Variants in ARSJ observed in about 807,000 individuals in gnomAD.
The protein encoded by ARSJ is arylsulfatase J.
Under a neutral mutation model 35.9 loss-of-function variants are expected in ARSJ, and 26 were observed. That is an observed-to-expected ratio of 0.72 (90% CI 0.53 to 1.00). ARSJ has a LOEUF of 1.00. ARSJ is among the 50% of genes least tolerant of loss of function. ARSJ has a pLI of 0.00. For missense variants in ARSJ, 667 were observed against 723.6 expected (o/e 0.92, Z 0.90); for synonymous variants, 294 against 267.6 (o/e 1.10, Z -0.96).
intron 1 of ARSJ, among the ~76,000 whole-genome samples, chr4:113,920,957 T>G (rs1723635378): frequency 6.6e-6 from 1 of 152,058 alleles, no homozygotes; most frequent in African/African-American, 2.4e-5. Context: ...AATAACAGAC[T>G]GGAACATTAA....
At position 113,902,804 on chromosome 4, in the gene ARSJ, G is replaced by T; in HGVS notation, c.1270C>A (p.Pro424Thr). 1.2e-6 allele frequency: 2 copies of T among 1,614,088 alleles called. No individual in the cohort carries two copies. Among genetic ancestry groups the T allele is most frequent in the Non-Finnish European group, 1.7e-6 (2 of 1,180,014 alleles). The stretch of plus-strand genomic sequence containing the variant: ...CCATTTTTTGCCTTGGTGTATATGG[G>T]GTCAATGTTATGCAAAATATCTACT... ...PRVDILHNIDPIYTKAKNGSW... is the reference protein window; with the variant it reads ...PRVDILHNIDTIYTKAKNGSW... The change falls in exon 2 of 2, where the codon CCC becomes ACC. Residue 424 changes from proline (P) to threonine (T), a missense_variant. Coordinates refer to ENST00000315366, the MANE Select transcript of ARSJ (RefSeq NM_024590.4).
chr4:113,933,620 C>G (rs542672368), intron 1 of ARSJ, among the ~76,000 whole-genome samples: 60 of 151,534 alleles, frequency 4.0e-4, no homozygotes, highest in Admixed American at 1.3e-3. Flanking sequence ...TTAACAGAAG[C>G]AAGAAAAAAA....
chr4:113,933,977 C>A (rs961300842), intron 1 of ARSJ, among the ~76,000 whole-genome samples: 1 of 151,796 alleles, frequency 6.6e-6, no homozygotes, highest in Non-Finnish European at 1.5e-5. Context: ...AACATGGTCT[C>A]ATATTTAGAA....
chr4:113,952,358 G>T (rs926343618), intron 1 of ARSJ, among the ~76,000 whole-genome samples: 4 of 152,036 alleles, frequency 2.6e-5, no homozygotes, highest in Non-Finnish European at 5.9e-5. Context: ...GGGAACCACA[G>T]TCAACCTATT....
At chr4:113,924,911 C>T (rs1212594887) in intron 1 of ARSJ, among the ~76,000 whole-genome samples, 1 of 152,106 alleles carries the variant, frequency 6.6e-6, no homozygotes, top group Non-Finnish European at 1.5e-5. Context: ...CCTCTGCAAG[C>T]ACCTCAGCAG....
At chr4:113,965,300 C>T (rs1222591790) in intron 1 of ARSJ, among the ~76,000 whole-genome samples, 1 of 152,090 alleles carries the variant, frequency 6.6e-6, no homozygotes, top group Non-Finnish European at 1.5e-5. Flanking sequence ...TCTACTTAGC[C>T]TGCTGTTGCT....
chr4:113,920,846 G>A (rs571284367), intron 1 of ARSJ, among the ~76,000 whole-genome samples: 63 of 151,966 alleles, frequency 4.1e-4, no homozygotes, highest in Non-Finnish European at 7.8e-4. Context: ...GTATCAATGA[G>A]GCCCAGGAAA....
intron 1 of ARSJ, among the ~76,000 whole-genome samples, chr4:113,937,473 C>T (rs767051580): frequency 3.3e-5 from 5 of 152,004 alleles, no homozygotes; most frequent in Admixed American, 6.6e-5. Flanking sequence ...TCCTTGAAAA[C>T]GGCCACAAGA....
chr4:113,929,762 G>A (rs1399923033), intron 1 of ARSJ, among the ~76,000 whole-genome samples: 1 of 152,036 alleles, frequency 6.6e-6, no homozygotes, highest in African/African-American at 2.4e-5. Context: ...TGAAGCCATG[G>A]GACAGAATCT....
At chr4:113,942,154 G>A (rs992340532) in intron 1 of ARSJ, among the ~76,000 whole-genome samples, 2 of 151,928 alleles carry the variant, frequency 1.3e-5, no homozygotes, top group African/African-American at 2.4e-5. Context: ...AGTAGTGAGT[G>A]ATAAAGGTTG....
chr4:113,946,722 G>T (rs11098213), intron 1 of ARSJ, among the ~76,000 whole-genome samples: 52,696 of 136,110 alleles, frequency 0.39, 9,626 homozygotes, highest in East Asian at 0.58. Context: ...TGCATAAATT[G>T]TGCAATTTAT....
intron 1 of ARSJ, among the ~76,000 whole-genome samples, chr4:113,964,600 A>G (rs1241784602): frequency 6.6e-6 from 1 of 152,110 alleles, no homozygotes; most frequent in Non-Finnish European, 1.5e-5. Flanking sequence ...TGATTCTAAG[A>G]TAGTACTTGA....
chr4:113,956,191 G>A (rs1305261304), intron 1 of ARSJ, among the ~76,000 whole-genome samples: 2 of 151,934 alleles, frequency 1.3e-5, no homozygotes, highest in Non-Finnish European at 2.9e-5. Flanking sequence ...GAAAGCGAAA[G>A]CAAGCTAGAT....
chr4:113,936,159 C>CGAT (rs1724754011), intron 1 of ARSJ, among the ~76,000 whole-genome samples: 1 of 151,698 alleles, frequency 6.6e-6, no homozygotes, highest in Admixed American at 6.6e-5. Context: ...GTACAGTGCC[C>CGAT]GATGCATAGT....
At chr4:113,958,136 T>A (rs1446993640) in intron 1 of ARSJ, among the ~76,000 whole-genome samples, 1 of 152,052 alleles carries the variant, frequency 6.6e-6, no homozygotes, top group Non-Finnish European at 1.5e-5. Flanking sequence ...CTGTTGCCAC[T>A]GCCTGGAGCC....
chr4:113,929,200 T>C (rs183796729), intron 1 of ARSJ, among the ~76,000 whole-genome samples: 3 of 152,116 alleles, frequency 2.0e-5, no homozygotes, highest in Non-Finnish European at 4.4e-5. Flanking sequence ...AAAGTTCTTT[T>C]TGAGTGTAGA....
intron 1 of ARSJ, among the ~76,000 whole-genome samples, chr4:113,933,719 A>G (rs1724599913): frequency 6.6e-6 from 1 of 151,846 alleles, no homozygotes; most frequent in African/African-American, 2.4e-5. Context: ...GTGAAGGAAC[A>G]TACTTTAAAA....
Position 113,940,501 on chromosome 4 carries a change from C to T in ARSJ, c.399-36826G>A, listed in dbSNP as rs4326080. The stretch of plus-strand genomic sequence containing the variant: ...CTGGGACCTATAGGGAGTGGGCGGT[C>T]GGGGGAAGGAGAGCAACAGCAAAAA... On this transcript the variant is annotated intron_variant, in intron 1 of 1. Transcript: ENST00000315366. 4.7e-4 allele frequency among the ~76,000 whole-genome samples: 71 copies of T among 151,798 alleles called. 1 individual carries two copies. Among genetic ancestry groups the T allele is most frequent in the African/African-American group, 1.5e-3 (62 of 41,446 alleles).
At position 113,935,225 on chromosome 4, in the gene ARSJ, A is replaced by T. The variant is rs138413467; in HGVS notation, c.399-31550T>A. On this transcript the variant is annotated intron_variant, in intron 1 of 1. Coordinates refer to ENST00000315366, the MANE Select transcript of ARSJ (RefSeq NM_024590.4). The stretch of plus-strand genomic sequence containing the variant: ...ATAATCAGAGAAGGTGCTGTCTGTT[A>T]TATCCTCATGATAATTTGCAATGTA... Among the ~76,000 whole-genome samples, 73 of 152,040 alleles carry T rather than the reference A, an allele frequency of 4.8e-4. No homozygotes were observed. In the East Asian group the frequency reaches 0.01, roughly 21 times the overall value.
Sources: gnomAD v4.1 joint callset for allele counts (sites outside exome capture counted in the v4.1 genomes callset) on GRCh38, gnomAD v4.1.1 for gene constraint, MANE v1.5 for transcripts, NCBI Gene and HGNC (gene_info 2026-07-23, HGNC 2026-07-21) for gene names.